RBFOX1: variants seen among roughly 807,000 people sequenced by gnomAD.
RBFOX1 encodes the protein RNA binding fox-1 homolog 1.
RBFOX1 carries 8 observed loss-of-function variants against 57.7 expected under a neutral mutation model. The observed-to-expected ratio is 0.14, with a 90% CI of 0.08 to 0.25. The LOEUF (loss-of-function observed/expected upper bound fraction) is 0.25. Ranked by LOEUF, RBFOX1 falls within the 10% of genes least tolerant of loss-of-function variation. The pLI is 1.00. For synonymous variants in RBFOX1, 326 were observed against 222.4 expected (o/e 1.47, Z -4.15); for missense variants, 611 against 548.5 (o/e 1.11, Z -1.14).
chr16:6,078,186 C>T (rs1261518576), intron 1 of RBFOX1, among the ~76,000 whole-genome samples: 1 of 152,120 alleles, frequency 6.6e-6, no homozygotes, highest in Non-Finnish European at 1.5e-5. Context: ...ATGCTTTGTA[C>T]ATAACAAATC....
intron 3 of RBFOX1, among the ~76,000 whole-genome samples, chr16:7,038,731 C>G (rs999509386): frequency 6.6e-6 from 1 of 152,116 alleles, no homozygotes; most frequent in African/African-American, 2.4e-5. Context: ...CCACGTGCTG[C>G]CTGGGGCTGC....
chr16:6,288,658 A>G (rs2077143938), intron 1 of RBFOX1, among the ~76,000 whole-genome samples: 1 of 152,144 alleles, frequency 6.6e-6, no homozygotes, highest in Non-Finnish European at 1.5e-5. Flanking sequence ...TTTAAACCCA[A>G]GAACTCTGAC....
intron 4 of RBFOX1, among the ~76,000 whole-genome samples, chr16:7,491,098 C>T (rs1255406206): frequency 4.6e-5 from 7 of 152,162 alleles, no homozygotes; most frequent in Non-Finnish European, 5.9e-5. Flanking sequence ...ACCCACAAAT[C>T]TGGCTCTTAA....
At chr16:6,403,604 C>A (rs1325620800) in intron 2 of RBFOX1, among the ~76,000 whole-genome samples, 1 of 152,118 alleles carries the variant, frequency 6.6e-6, no homozygotes, top group Non-Finnish European at 1.5e-5. Context: ...ATCCTCCTGT[C>A]TTGACCTCCC....
At chr16:5,390,291 CT>C (rs549557876) in intron 1 of RBFOX1, among the ~76,000 whole-genome samples, 4,525 of 108,308 alleles carry the variant, frequency 0.042, 133 homozygotes, top group African/African-American at 0.11. Flanking sequence ...TTTTTTTTTT[CT>C]TTTTTTTTTT....
At chr16:7,545,966 C>T (rs529929763) in intron 5 of RBFOX1, among the ~76,000 whole-genome samples, 6 of 147,850 alleles carry the variant, frequency 4.1e-5, no homozygotes, top group South Asian at 2.1e-4. Flanking sequence ...TGGAAAGTGT[C>T]GTAAAACTAG....
chr16:6,981,393 G>A (rs2088825009), intron 3 of RBFOX1, among the ~76,000 whole-genome samples: 1 of 151,986 alleles, frequency 6.6e-6, no homozygotes, highest in Non-Finnish European at 1.5e-5. Context: ...ATGGCCTCGA[G>A]GTCCATCCAT....
At chr16:5,714,806 A>G (rs999375921) in intron 3 of RBFOX1, among the ~76,000 whole-genome samples, 1 of 152,246 alleles carries the variant, frequency 6.6e-6, no homozygotes, top group African/African-American at 2.4e-5. Context: ...AGAAACTATT[A>G]TCGTCACTGC....
intron 1 of RBFOX1, among the ~76,000 whole-genome samples, chr16:6,315,925 A>G (rs998356293): frequency 2.6e-5 from 4 of 152,320 alleles, no homozygotes; most frequent in Admixed American, 6.5e-5. Context: ...ATTTATATGT[A>G]TATCTGTATA....
chr16:7,321,589 C>T (rs983775244), intron 4 of RBFOX1, among the ~76,000 whole-genome samples: 1 of 152,166 alleles, frequency 6.6e-6, no homozygotes, highest in African/African-American at 2.4e-5. Context: ...GTCTTGTTTT[C>T]CTCACAGTAA....
intron 4 of RBFOX1, among the ~76,000 whole-genome samples, chr16:5,893,347 T>C (rs532531288): frequency 7.9e-5 from 12 of 152,314 alleles, no homozygotes; most frequent in African/African-American, 2.6e-4. Flanking sequence ...AGACCTAGTA[T>C]TGCTAGCATA....
chr16:6,493,404 C>T (rs62016835), intron 2 of RBFOX1, among the ~76,000 whole-genome samples: 5 of 152,188 alleles, frequency 3.3e-5, no homozygotes, highest in East Asian at 1.9e-4. Flanking sequence ...CATTCATCGC[C>T]GGTACTGCAA....
chr16:6,738,201 C>T (rs769106533), intron 3 of RBFOX1, among the ~76,000 whole-genome samples: 1 of 151,898 alleles, frequency 6.6e-6, no homozygotes, highest in Non-Finnish European at 1.5e-5. Context: ...GTTTGCATAA[C>T]ACTGTACATC....
At chr16:6,342,291 G>A (rs2084685233) in intron 2 of RBFOX1, among the ~76,000 whole-genome samples, 1 of 152,184 alleles carries the variant, frequency 6.6e-6, no homozygotes, top group African/African-American at 2.4e-5. Flanking sequence ...GCACCACGAA[G>A]ATGGACATGT....
intron 4 of RBFOX1, among the ~76,000 whole-genome samples, chr16:7,224,748 T>G (rs1246400201): frequency 1.3e-5 from 2 of 152,250 alleles, no homozygotes; most frequent in Non-Finnish European, 2.9e-5. Flanking sequence ...ATGGTTCTCC[T>G]GAATGTGAGT....
intron 3 of RBFOX1, among the ~76,000 whole-genome samples, chr16:6,894,162 CTCT>C (rs2066194754): frequency 6.6e-6 from 1 of 152,202 alleles, no homozygotes; most frequent in African/African-American, 2.4e-5. Flanking sequence ...TGCTACCTAT[CTCT>C]TGTCTGTCTG....
chr16:6,504,567 T>A (rs938191611), intron 2 of RBFOX1, among the ~76,000 whole-genome samples: 7 of 152,188 alleles, frequency 4.6e-5, no homozygotes, highest in Non-Finnish European at 4.4e-5. Flanking sequence ...TTTGCCTATC[T>A]ACATTCCAAA....
chr16:7,203,821 G>A (rs2089289823), intron 4 of RBFOX1, among the ~76,000 whole-genome samples: 1 of 152,196 alleles, frequency 6.6e-6, no homozygotes. Flanking sequence ...GCAAGTGATT[G>A]TCTTACCGGC....
At chr16:6,359,458 C>T (rs1234270920) in intron 2 of RBFOX1, among the ~76,000 whole-genome samples, 2 of 152,154 alleles carry the variant, frequency 1.3e-5, no homozygotes, top group African/African-American at 4.8e-5. Context: ...TTTCAGCCAC[C>T]TGATAGGAGG....
Sources: gnomAD v4.1 joint callset for allele counts (sites outside exome capture counted in the v4.1 genomes callset) on GRCh38, gnomAD v4.1.1 for gene constraint, MANE v1.5 for transcripts, NCBI Gene and HGNC (gene_info 2026-07-23, HGNC 2026-07-21) for gene names.